The following TTC17 variants were observed in gnomAD, a reference collection of about 807,000 sequenced individuals.
TTC17 encodes the protein tetratricopeptide repeat domain 17.
Under a neutral mutation model 143.8 loss-of-function variants are expected in TTC17, and 58 were observed. That is an observed-to-expected ratio of 0.40 (90% confidence interval 0.33 to 0.50). The LOEUF (loss-of-function observed/expected upper bound fraction) is 0.50, where lower values mean the gene tolerates loss of function less well. TTC17 is among the 20% of genes least tolerant of loss of function. The pLI, the probability that TTC17 is intolerant of heterozygous loss-of-function variation, is 0.49. For missense variants in TTC17, 1,273 were observed against 1,392.5 expected, an observed-to-expected ratio of 0.91 and a Z score of 1.37; for synonymous variants, 501 against 497.8, an observed-to-expected ratio of 1.01 and a Z score of -0.09.
chr11:43,397,573 T>C (rs1489435364), intron 7 of TTC17, 82 bp downstream of exon 7: 6 of 1,392,968 alleles, frequency 4.3e-6, no homozygotes, highest in Non-Finnish European at 5.7e-6. Context: ...CAGTAGAATG[T>C]TACTTTTTTC....
intron 8 of TTC17, among the ~76,000 whole-genome samples, chr11:43,399,175 CT>C (rs764323063): frequency 2.0e-5 from 3 of 152,176 alleles, no homozygotes; most frequent in Admixed American, 6.5e-5. Context: ...ACTGTGGCCC[CT>C]AACTCTTAAC....
intron 11 of TTC17, among the ~76,000 whole-genome samples, chr11:43,405,213 A>G (rs1457427125): frequency 2.7e-5 from 4 of 149,722 alleles, no homozygotes; most frequent in East Asian, 2.0e-4. Context: ...TTTTGTTCAT[A>G]TGTAACGTAA....
intron 21 of TTC17, among the ~76,000 whole-genome samples, chr11:43,476,987 GCACCCAAGT>G (rs1948196996): frequency 1.3e-5 from 2 of 152,200 alleles, no homozygotes; most frequent in African/African-American, 4.8e-5. Flanking sequence ...GCCTTTAACA[GCACCCAAGT>G]CACCTCTTAA....
intron 2 of TTC17, among the ~76,000 whole-genome samples, chr11:43,381,706 G>A (rs1256324062): frequency 6.6e-6 from 1 of 152,164 alleles, no homozygotes; most frequent in East Asian, 1.9e-4. Context: ...TGGAAGGTCT[G>A]ATTCTGAGCT....
intron 2 of TTC17, among the ~76,000 whole-genome samples, chr11:43,384,862 A>G (rs925631417): frequency 6.6e-6 from 1 of 152,304 alleles, no homozygotes; most frequent in African/African-American, 2.4e-5. Context: ...AATGCAAAAA[A>G]TTTTTTTAAA....
At chr11:43,395,976 A>G (rs1271993115) in intron 5 of TTC17, among the ~76,000 whole-genome samples, 2 of 152,120 alleles carry the variant, frequency 1.3e-5, no homozygotes, top group African/African-American at 4.8e-5. Context: ...ATACATTAAT[A>G]TGTATGATAA....
chr11:43,461,855 G>A (rs1156917203), intron 21 of TTC17, among the ~76,000 whole-genome samples: 4 of 151,998 alleles, frequency 2.6e-5, no homozygotes, highest in African/African-American at 4.8e-5. Flanking sequence ...GCCTTAATAA[G>A]TAAAAAAGCA....
intron 1 of TTC17, among the ~76,000 whole-genome samples, chr11:43,363,481 G>A (rs899918565): frequency 2.0e-5 from 3 of 152,226 alleles, no homozygotes; most frequent in African/African-American, 7.2e-5. Context: ...TGTATTGCTA[G>A]TACTGAGTTC....
chr11:43,494,313 A>C lies in TTC17; in HGVS notation c.*409A>C, dbSNP rs541562418. The stretch of plus-strand genomic sequence containing the variant: ...CTTCCTGTCGTAGCCTCTGTTGTCA[A>C]TGGAAATGCGGAAGCCCATCTGGTG... On this transcript the variant is annotated 3_prime_UTR_variant, in exon 24 of 24. Transcript: ENST00000039989. 6.2e-6 allele frequency: 1 copy of C among 161,026 alleles called. No individual in the cohort carries two copies. The highest frequency in any genetic ancestry group is 2.4e-5 in the African/African-American group (1 of 41,450). 10.0% of individuals were successfully genotyped at this position (161,026 alleles called of 1,614,324 possible). A position where few individuals can be genotyped will look rare whatever the true frequency, so the allele number is the denominator to read the frequency against.
chr11:43,424,683 T>C (rs901336375), intron 16 of TTC17, among the ~76,000 whole-genome samples: 3 of 152,028 alleles, frequency 2.0e-5, no homozygotes, highest in Admixed American at 6.5e-5. Context: ...GGCAGGAGAA[T>C]TGCTTGAACC....
At chr11:43,415,752 G>A in intron 16 of TTC17, among the ~76,000 whole-genome samples, 1 of 152,154 alleles carries the variant, frequency 6.6e-6, no homozygotes, top group African/African-American at 2.4e-5. Flanking sequence ...TAGACGGTAA[G>A]TAGTGCTTGC....
intron 20 of TTC17, 64 bp downstream of exon 20, chr11:43,450,305 C>T (rs556224946): frequency 2.0e-6 from 3 of 1,506,114 alleles, no homozygotes; most frequent in Non-Finnish European, 2.7e-6. Flanking sequence ...ATTGATACTA[C>T]ATAGAAAGCC....
chr11:43,401,381 T>C, intron 9 of TTC17, 65 bp from the exon 10 acceptor site: 1 of 1,164,146 alleles, frequency 8.6e-7, no homozygotes, highest in Admixed American at 2.0e-5. Flanking sequence ...TGACTTAGTC[T>C]AAGAAAATCA....
intron 21 of TTC17, among the ~76,000 whole-genome samples, chr11:43,462,918 ATTCT>A (rs1947895953): frequency 1.0e-5 from 1 of 95,320 alleles, no homozygotes; most frequent in Non-Finnish European, 2.1e-5. Flanking sequence ...CAGTGACAAA[ATTCT>A]TTTTTTTTTT....
At chr11:43,448,637 T>C (rs1326516420) in intron 19 of TTC17, 2 of 152,818 alleles carry the variant, frequency 1.3e-5, no homozygotes, top group African/African-American at 4.8e-5. Flanking sequence ...CAGACTGATC[T>C]ACTCCCAAAA....
chr11:43,391,166 A>G (rs1201039470), intron 3 of TTC17, among the ~76,000 whole-genome samples: 1 of 152,230 alleles, frequency 6.6e-6, no homozygotes, highest in African/African-American at 2.4e-5. Context: ...TGGGAGGCCA[A>G]GATGGGAGGA....
chr11:43,398,205 G>A lies in TTC17; in HGVS notation c.1058+92G>A. The A allele has an allele frequency of 6.1e-6, 9 of 1,483,934 alleles. No individual in the cohort carries two copies. The South Asian group carries it at 1.2e-4, about 20-fold the overall frequency. The allele number at this position is 1,483,934 out of a possible 1,614,324, so 91.9% of individuals were successfully genotyped here. On this transcript the variant is annotated intron_variant, in intron 8 of 23. Transcript: ENST00000039989. ...GGATATCAGTGTTAATTTGGTAACT[G>A]GAATTAAGAAAGAAACCTCTTCACT...
At chr11:43,421,002 A>G (rs1946890332) in intron 16 of TTC17, among the ~76,000 whole-genome samples, 1 of 152,228 alleles carries the variant, frequency 6.6e-6, no homozygotes, top group Non-Finnish European at 1.5e-5. Flanking sequence ...CATTCAATGA[A>G]CACTTATCTA....
chr11:43,464,570 T>G (rs753298659), intron 21 of TTC17, among the ~76,000 whole-genome samples: 7 of 152,068 alleles, frequency 4.6e-5, no homozygotes, highest in Non-Finnish European at 1.0e-4. Context: ...ATATTACAGA[T>G]AAAGGGATTT....
Sources: allele counts gnomAD v4.1 joint callset (sites outside exome capture counted in the v4.1 genomes callset), GRCh38; gene constraint gnomAD v4.1.1; transcripts MANE v1.5; gene names NCBI Gene and HGNC (gene_info 2026-07-23, HGNC 2026-07-21).